Variants in MICAL3 observed in about 807,000 individuals in gnomAD.
The protein encoded by MICAL3 is microtubule associated monooxygenase, calponin and LIM domain containing 3.
MICAL3 carries 62 observed loss-of-function variants against 207.4 expected under a neutral mutation model. The ratio of observed to expected loss-of-function variants is 0.30; its 90% CI spans 0.24 to 0.37. The LOEUF (loss-of-function observed/expected upper bound fraction) is 0.37. MICAL3 is among the 10% of genes least tolerant of loss of function. The pLI is 1.00. For synonymous variants in MICAL3, 1,077 were observed against 1,069.3 expected (o/e 1.01, Z -0.14); for missense variants, 2,368 against 2,635.6 (o/e 0.90, Z 2.22).
chr22:17,868,418 C>T (rs1927366575), intron 17 of MICAL3, among the ~76,000 whole-genome samples: 1 of 152,166 alleles, frequency 6.6e-6, no homozygotes, highest in East Asian at 1.9e-4. Context: ...CCCAAACAAG[C>T]TGGTGAGGCA....
intron 1 of MICAL3, chr22:18,001,043 G>C (rs1922932367): frequency 6.6e-6 from 1 of 151,230 alleles, no homozygotes; most frequent in Admixed American, 6.6e-5. Flanking sequence ...GCCTCCCCGC[G>C]CTTCCCCGCG....
chr22:17,952,711 G>T (rs879882734), intron 1 of MICAL3, among the ~76,000 whole-genome samples: 2 of 152,128 alleles, frequency 1.3e-5, no homozygotes, highest in Admixed American at 1.3e-4. Context: ...CGTCAGAGAG[G>T]CCACTGAGTG....
intron 2 of MICAL3, among the ~76,000 whole-genome samples, chr22:17,906,204 C>G (rs76365391): frequency 1.3e-5 from 2 of 152,152 alleles, no homozygotes; most frequent in Non-Finnish European, 2.9e-5. Flanking sequence ...AAACTTTGAA[C>G]GCTCAATATG....
chr22:17,874,401 C>T (rs749180115), intron 16 of MICAL3, among the ~76,000 whole-genome samples: 12 of 152,154 alleles, frequency 7.9e-5, no homozygotes, highest in African/African-American at 1.9e-4. Context: ...GCAGCAGACA[C>T]GGGGCAGTGT....
chr22:17,899,248 C>T, intron 7 of MICAL3, 200 bp downstream of exon 7: 1 of 655,742 alleles, frequency 1.5e-6, no homozygotes, highest in South Asian at 1.6e-5. Flanking sequence ...ACACTATTCT[C>T]CCCCCGTTTT....
intron 1 of MICAL3, among the ~76,000 whole-genome samples, chr22:17,915,668 T>A (rs1932449363): frequency 6.6e-6 from 1 of 152,082 alleles, no homozygotes; most frequent in Non-Finnish European, 1.5e-5. Flanking sequence ...CAGTCAAGGC[T>A]CAGCACCATC....
chr22:17,985,912 T>C (rs5992948), intron 1 of MICAL3, among the ~76,000 whole-genome samples: 2,750 of 152,158 alleles, frequency 0.018, 74 homozygotes, highest in African/African-American at 0.06. Flanking sequence ...TTTTGTTTTG[T>C]TTTGTTTTGT....
chr22:17,925,645 A>T (rs951513165), intron 1 of MICAL3, among the ~76,000 whole-genome samples: 5 of 152,144 alleles, frequency 3.3e-5, no homozygotes, highest in Non-Finnish European at 7.3e-5. Flanking sequence ...TGGCTGGAGG[A>T]CCTGGAAACT....
chr22:17,918,816 A>G (rs1932702687), intron 1 of MICAL3, among the ~76,000 whole-genome samples: 1 of 152,086 alleles, frequency 6.6e-6, no homozygotes, highest in African/African-American at 2.4e-5. Context: ...CGATCCGTTC[A>G]CTCAAAAGAT....
At chr22:17,996,380 C>T (rs1922280018) in intron 1 of MICAL3, among the ~76,000 whole-genome samples, 1 of 150,734 alleles carries the variant, frequency 6.6e-6, no homozygotes, top group African/African-American at 2.4e-5. Flanking sequence ...GGAGGCGGAG[C>T]TTGCAGTGAG....
At chr22:17,845,378 G>A (rs1021616637) in intron 19 of MICAL3, among the ~76,000 whole-genome samples, 2 of 152,116 alleles carry the variant, frequency 1.3e-5, no homozygotes, top group African/African-American at 2.4e-5. Flanking sequence ...CTAGGACCAC[G>A]GGAAACAAAG....
chr22:17,884,272 T>C (rs752648734), intron 16 of MICAL3: 17 of 1,587,938 alleles, frequency 1.1e-5, no homozygotes, highest in Admixed American at 3.6e-5. Context: ...GCAGTTCCTT[T>C]ACCTGTTTCC....
intron 17 of MICAL3, among the ~76,000 whole-genome samples, chr22:17,866,568 G>T (rs1437620834): frequency 6.7e-6 from 1 of 149,972 alleles, no homozygotes; most frequent in Non-Finnish European, 1.5e-5. Flanking sequence ...AAAAAATACT[G>T]CAATGGACTA....
At chr22:17,929,859 C>T (rs532643406) in intron 1 of MICAL3, among the ~76,000 whole-genome samples, 5 of 152,300 alleles carry the variant, frequency 3.3e-5, no homozygotes, top group South Asian at 2.1e-4. Context: ...TGAGCCACTG[C>T]GCCCGGCCTC....
At chr22:17,792,999 G>A (rs1367183778) in intron 29 of MICAL3, among the ~76,000 whole-genome samples, 1 of 151,990 alleles carries the variant, frequency 6.6e-6, no homozygotes, top group African/African-American at 2.4e-5. Flanking sequence ...GGCCACGGCG[G>A]CACCAGGGAG....
intron 28 of MICAL3, among the ~76,000 whole-genome samples, chr22:17,809,785 A>G (rs1265472688): frequency 1.3e-5 from 2 of 152,216 alleles, no homozygotes; most frequent in Non-Finnish European, 2.9e-5. Context: ...AGGGGCCACA[A>G]ATGGACTCCT....
intron 1 of MICAL3, among the ~76,000 whole-genome samples, chr22:17,969,188 C>G (rs887956782): frequency 6.6e-6 from 1 of 152,084 alleles, no homozygotes; most frequent in Non-Finnish European, 1.5e-5. Context: ...TACAGGCGTC[C>G]GCCACCACAC....
At chr22:17,973,781 C>T (rs965661147) in intron 1 of MICAL3, among the ~76,000 whole-genome samples, 1 of 152,082 alleles carries the variant, frequency 6.6e-6, no homozygotes, top group Non-Finnish European at 1.5e-5. Context: ...ATTAGCCAGG[C>T]ATGGTGGCAC....
intron 19 of MICAL3, among the ~76,000 whole-genome samples, chr22:17,847,940 T>C (rs948397215): frequency 1.3e-5 from 2 of 152,136 alleles, no homozygotes; most frequent in African/African-American, 4.8e-5. Flanking sequence ...GCTGAGATTA[T>C]AGGCGTGAGC....
Sources: allele counts gnomAD v4.1 joint callset (sites outside exome capture counted in the v4.1 genomes callset), GRCh38; gene constraint gnomAD v4.1.1; transcripts MANE v1.5; gene names NCBI Gene and HGNC (gene_info 2026-07-23, HGNC 2026-07-21).